The following DPYSL3 variants were observed in gnomAD, a reference collection of about 807,000 sequenced individuals.
DPYSL3 encodes dihydropyrimidinase like 3, also known as dihydropyrimidinase-related protein 3.
In DPYSL3, 16 loss-of-function variants were observed where a neutral mutation model predicts 66.1. The ratio of observed to expected loss-of-function variants is 0.24; its 90% CI spans 0.16 to 0.37. The LOEUF (loss-of-function observed/expected upper bound fraction) is 0.37. Among genes scored for constraint, DPYSL3 ranks in the 10% least tolerant of loss-of-function variants. The pLI is 1.00. For missense variants in DPYSL3, 738 were observed against 916.2 expected (o/e 0.81, Z 2.51); for synonymous variants, 338 against 345.1 (o/e 0.98, Z 0.23).
chr5:147,419,477 G>GA (rs1488983147), intron 2 of DPYSL3, among the ~76,000 whole-genome samples: 1 of 152,186 alleles, frequency 6.6e-6, no homozygotes, highest in Non-Finnish European at 1.5e-5. Flanking sequence ...GCTGCTTATA[G>GA]ATCAGCCAGT....
At chr5:147,430,806 G>A (rs1019961755) in intron 1 of DPYSL3, among the ~76,000 whole-genome samples, 2 of 152,140 alleles carry the variant, frequency 1.3e-5, no homozygotes, top group African/African-American at 4.8e-5. Context: ...GCCTCTCAGA[G>A]AAACCAAAGC....
chr5:147,460,918 T>G (rs1752921486), intron 1 of DPYSL3, among the ~76,000 whole-genome samples: 1 of 152,210 alleles, frequency 6.6e-6, no homozygotes, highest in Non-Finnish European at 1.5e-5. Flanking sequence ...AATCATAATT[T>G]AGACGTCTAG....
At chr5:147,411,794 G>A (rs1351326603) in intron 6 of DPYSL3, among the ~76,000 whole-genome samples, 5 of 152,176 alleles carry the variant, frequency 3.3e-5, no homozygotes, top group African/African-American at 1.2e-4. Flanking sequence ...GTGAGCTATG[G>A]AATGCATCTG....
chr5:147,416,490 ACT>A (rs1751971752), intron 3 of DPYSL3, among the ~76,000 whole-genome samples: 1 of 151,978 alleles, frequency 6.6e-6, no homozygotes. Context: ...GCCCAAATCT[ACT>A]CTTTCACCCA....
chr5:147,433,153 C>G (rs1448659125), intron 1 of DPYSL3, among the ~76,000 whole-genome samples: 1 of 152,176 alleles, frequency 6.6e-6, no homozygotes, highest in Non-Finnish European at 1.5e-5. Context: ...CTGGAACCAT[C>G]TCTGCTATTG....
chr5:147,501,795 A>G (rs1158060306), intron 1 of DPYSL3, among the ~76,000 whole-genome samples: 1 of 152,114 alleles, frequency 6.6e-6, no homozygotes, highest in African/African-American at 2.4e-5. Flanking sequence ...GTGTCGATGT[A>G]GGTTCATCAA....
chr5:147,441,894 T>C (rs970434936), intron 1 of DPYSL3, among the ~76,000 whole-genome samples: 1 of 152,154 alleles, frequency 6.6e-6, no homozygotes, highest in Non-Finnish European at 1.5e-5. Flanking sequence ...GAACATACCT[T>C]CTTTGTGGAA....
chr5:147,396,760 A>G lies in DPYSL3; in HGVS notation c.1803+906T>C, dbSNP rs545240407. ...CAATATTGGGGAAGTCTCCTTCTCT[A>G]TTAGGCCCAAACTGGAGTGTGGAGC... On this transcript the variant is annotated intron_variant, in intron 12 of 13. Transcript: ENST00000343218. 3.9e-5 allele frequency among the ~76,000 whole-genome samples: 6 copies of G among 152,108 alleles called. No individual in the cohort carries two copies. The South Asian group carries it at 1.0e-3, about 26-fold the overall frequency.
chr5:147,447,822 G>T (rs1053566104), intron 1 of DPYSL3, among the ~76,000 whole-genome samples: 1 of 152,136 alleles, frequency 6.6e-6, no homozygotes, highest in Non-Finnish European at 1.5e-5. Flanking sequence ...TGGGCAACAA[G>T]AGCAAACCTC....
Position 147,399,082 on chromosome 5 carries a change from A to G in DPYSL3, c.1623T>C (p.Ser541=). The change falls in exon 11 of 14, where the codon TCT becomes TCC. Residue 541 remains serine (S), a splice_region_variant and synonymous_variant. Coordinates refer to ENST00000343218, the MANE Select transcript of DPYSL3 (RefSeq NM_001197294.2). ...VKIVSAKNHQ[S]AAEYNIFEGM... Reference sequence around the variant, plus strand: ...CCACTCCCACCAGAGCGGGCCTTACAGACTGGTGGTTCTTGGCAGAGACGA... The same window carrying G: ...CCACTCCCACCAGAGCGGGCCTTACGGACTGGTGGTTCTTGGCAGAGACGA... 1.2e-6 allele frequency: 2 copies of G among 1,613,950 alleles called. No individual in the cohort carries two copies. The highest frequency in any genetic ancestry group is 1.3e-5 in the African/African-American group (1 of 75,028).
chr5:147,450,142 C>T (rs1006776326), intron 1 of DPYSL3, among the ~76,000 whole-genome samples: 7 of 152,130 alleles, frequency 4.6e-5, no homozygotes, highest in African/African-American at 1.7e-4. Flanking sequence ...GCCTCCAACA[C>T]TTACTAAATC....
chr5:147,450,040 A>G (rs916265096), intron 1 of DPYSL3, among the ~76,000 whole-genome samples: 4 of 152,202 alleles, frequency 2.6e-5, no homozygotes, highest in Non-Finnish European at 2.9e-5. Flanking sequence ...AGTAACAGCA[A>G]TGGTAGAGAG....
At chr5:147,416,804 G>C (rs1347158791) in intron 3 of DPYSL3, among the ~76,000 whole-genome samples, 1 of 152,084 alleles carries the variant, frequency 6.6e-6, no homozygotes, top group Non-Finnish European at 1.5e-5. Flanking sequence ...TGAAAAATTG[G>C]AAACAATTGA....
intron 1 of DPYSL3, among the ~76,000 whole-genome samples, chr5:147,443,019 T>A (rs1481502637): frequency 6.6e-6 from 1 of 152,218 alleles, no homozygotes; most frequent in African/African-American, 2.4e-5. Context: ...AATCCTTGTG[T>A]CCCACAGTAA....
At chr5:147,410,932 G>A (rs1002424501) in intron 6 of DPYSL3, among the ~76,000 whole-genome samples, 1 of 152,116 alleles carries the variant, frequency 6.6e-6, no homozygotes, top group African/African-American at 2.4e-5. Context: ...AAATAGCAGC[G>A]GGAGGGGAAA....
chr5:147,496,071 A>C (rs923673070), intron 1 of DPYSL3, among the ~76,000 whole-genome samples: 4 of 152,196 alleles, frequency 2.6e-5, no homozygotes, highest in Non-Finnish European at 5.9e-5. Context: ...ATGGAACAGA[A>C]CAGAGCCCTC....
chr5:147,402,432 CCGCCT>C (rs963676178), intron 8 of DPYSL3, among the ~76,000 whole-genome samples: 1 of 135,560 alleles, frequency 7.4e-6, no homozygotes, highest in African/African-American at 3.8e-5. Context: ...ACTGCAAGCT[CCGCCT>C]CCCGGGTTCA....
chr5:147,459,948 A>C (rs1368688686), intron 1 of DPYSL3, among the ~76,000 whole-genome samples: 1 of 152,148 alleles, frequency 6.6e-6, no homozygotes, highest in African/African-American at 2.4e-5. Flanking sequence ...GTCTCTACTC[A>C]AAATACAAAA....
intron 1 of DPYSL3, among the ~76,000 whole-genome samples, chr5:147,497,342 T>C (rs1280478868): frequency 6.6e-6 from 1 of 151,936 alleles, no homozygotes; most frequent in African/African-American, 2.4e-5. Context: ...ATGGCACATG[T>C]ATACATATGT....
Sources: gnomAD v4.1 joint callset for allele counts (sites outside exome capture counted in the v4.1 genomes callset) on GRCh38, gnomAD v4.1.1 for gene constraint, MANE v1.5 for transcripts, NCBI Gene and HGNC (gene_info 2026-07-23, HGNC 2026-07-21) for gene names.